ENOX2: variants seen among roughly 807,000 people sequenced by gnomAD.
ENOX2 encodes APK1 antigen.
In ENOX2, 36 loss-of-function variants were observed where a neutral mutation model predicts 45.0. The ratio of observed to expected loss-of-function variants is 0.80; its 90% CI spans 0.61 to 1.06. ENOX2 has a LOEUF of 1.06. ENOX2 is among the 50% of genes least tolerant of loss of function. The pLI is 0.00. For missense variants in ENOX2, 423 were observed against 462.5 expected, an observed-to-expected ratio of 0.91 and a Z score of 0.78; for synonymous variants, 174 against 152.3, an observed-to-expected ratio of 1.14 and a Z score of -1.05.
chrX:130,810,706 C>T (rs993772736), intron 2 of ENOX2, among the ~76,000 whole-genome samples: 3 of 112,443 alleles, frequency 2.7e-5, no homozygotes, highest in Non-Finnish European at 5.6e-5. Flanking sequence ...GCCCACCATC[C>T]AGGCCTGTCC....
intron 2 of ENOX2, among the ~76,000 whole-genome samples, chrX:130,871,536 G>C (rs1269624579): frequency 9.0e-6 from 1 of 111,541 alleles, no homozygotes; most frequent in East Asian, 2.8e-4. Flanking sequence ...GAAAATCAAT[G>C]TAGGCTAGCA....
chrX:130,692,586 T>G (rs1407869714), intron 4 of ENOX2, among the ~76,000 whole-genome samples: 1 of 105,880 alleles, frequency 9.4e-6, no homozygotes, highest in Non-Finnish European at 2.0e-5. Context: ...CTCTGTTTTT[T>G]TTTTTTTTTT....
intron 6 of ENOX2, among the ~76,000 whole-genome samples, chrX:130,675,644 A>C (rs1021646455): frequency 8.9e-6 from 1 of 111,920 alleles, no homozygotes; most frequent in Non-Finnish European, 1.9e-5. Context: ...AGCATACACA[A>C]TGTGTGATTC....
At chrX:130,709,296 T>C in intron 3 of ENOX2, 1 of 1,201,676 alleles carries the variant, frequency 8.3e-7, no homozygotes, top group Non-Finnish European at 1.1e-6. Flanking sequence ...TTGCATTGTG[T>C]GGTCCTCAAC....
intron 2 of ENOX2, among the ~76,000 whole-genome samples, chrX:130,892,238 T>C (rs184605076): frequency 1.8e-5 from 2 of 112,460 alleles, no homozygotes; most frequent in East Asian, 5.6e-4. Context: ...AGGTTTTCAG[T>C]GGTCTCCGTA....
chrX:130,638,132 G>A (rs1049176714), intron 10 of ENOX2, among the ~76,000 whole-genome samples: 2 of 106,826 alleles, frequency 1.9e-5, no homozygotes, highest in Admixed American at 2.0e-4. Context: ...GCAGTGGTAG[G>A]ATCTTGGCTC....
chrX:130,706,858 C>T (rs1420410016), intron 3 of ENOX2, among the ~76,000 whole-genome samples: 1 of 111,771 alleles, frequency 8.9e-6, no homozygotes, highest in African/African-American at 3.3e-5. Flanking sequence ...GGGATATATG[C>T]CCAACTAATA....
intron 2 of ENOX2, among the ~76,000 whole-genome samples, chrX:130,845,383 T>C (rs1181588482): frequency 5.3e-5 from 6 of 112,744 alleles, no homozygotes; most frequent in East Asian, 2.8e-4. Context: ...CTTGCCAACA[T>C]TGAAGATGGG....
intron 10 of ENOX2, among the ~76,000 whole-genome samples, chrX:130,655,696 G>A (rs973952988): frequency 8.0e-5 from 9 of 112,027 alleles, no homozygotes; most frequent in African/African-American, 2.3e-4. Context: ...GTGCAATGGT[G>A]CGACCTCTGC....
intron 3 of ENOX2, among the ~76,000 whole-genome samples, chrX:130,734,111 T>C (rs1017771063): frequency 8.9e-6 from 1 of 112,498 alleles, no homozygotes; most frequent in African/African-American, 3.2e-5. Flanking sequence ...GAATCCACTG[T>C]ACTGCAGAGA....
At chrX:130,633,011 T>C (rs1165476100) in intron 12 of ENOX2, among the ~76,000 whole-genome samples, 1 of 112,184 alleles carries the variant, frequency 8.9e-6, no homozygotes, top group Non-Finnish European at 1.9e-5. Flanking sequence ...TTCTGGGAAG[T>C]TTTAGCCATC....
intron 3 of ENOX2, among the ~76,000 whole-genome samples, chrX:130,778,438 C>A (rs2039905460): frequency 9.0e-6 from 1 of 111,504 alleles, no homozygotes; most frequent in Non-Finnish European, 1.9e-5. Context: ...TCCAGAATTT[C>A]TAAAGGAAAG....
intron 2 of ENOX2, among the ~76,000 whole-genome samples, chrX:130,885,381 T>C (rs748570954): frequency 9.0e-6 from 1 of 111,493 alleles, no homozygotes; most frequent in South Asian, 3.8e-4. Flanking sequence ...CTCAGTTTTC[T>C]TACCTATAAA....
At chrX:130,679,306 C>T (rs905705686) in intron 6 of ENOX2, among the ~76,000 whole-genome samples, 3 of 111,065 alleles carry the variant, frequency 2.7e-5, no homozygotes, top group African/African-American at 9.8e-5. Flanking sequence ...AGAAGGACAG[C>T]CCACAGTCAA....
chrX:130,642,488 T>C (rs748057537), intron 10 of ENOX2, among the ~76,000 whole-genome samples: 2 of 112,687 alleles, frequency 1.8e-5, no homozygotes, highest in South Asian at 7.4e-4. Flanking sequence ...ATAAATTCAG[T>C]TGATAAAGCA....
At chrX:130,771,301 T>C (rs34943384) in intron 3 of ENOX2, among the ~76,000 whole-genome samples, 2,137 of 111,862 alleles carry the variant, frequency 0.019, 41 homozygotes, top group Admixed American at 0.079. Flanking sequence ...GGAGATCCCA[T>C]GTGTTAGTGG....
At chrX:130,673,339 G>A (rs1353469908) in intron 6 of ENOX2, among the ~76,000 whole-genome samples, 1 of 110,919 alleles carries the variant, frequency 9.0e-6, no homozygotes, top group Non-Finnish European at 1.9e-5. Flanking sequence ...GGATCCTAAT[G>A]AAAATGAAAA....
At chrX:130,748,273 T>C (rs1019653546) in intron 3 of ENOX2, among the ~76,000 whole-genome samples, 2 of 112,192 alleles carry the variant, frequency 1.8e-5, no homozygotes, top group South Asian at 7.4e-4. Flanking sequence ...TTACATTGTC[T>C]CATTTATTTC....
At chrX:130,868,719 A>G (rs138628363) in intron 2 of ENOX2, among the ~76,000 whole-genome samples, 137 of 111,837 alleles carry the variant, frequency 1.2e-3, no homozygotes, top group Non-Finnish European at 2.3e-3. Flanking sequence ...TCCCAAATCT[A>G]TATCTCTAAT....
Sources: allele counts gnomAD v4.1 joint callset (sites outside exome capture counted in the v4.1 genomes callset), GRCh38; gene constraint gnomAD v4.1.1; transcripts MANE v1.5; gene names NCBI Gene and HGNC (gene_info 2026-07-23, HGNC 2026-07-21).